Variants in LAMA5 observed in about 807,000 individuals in gnomAD.
LAMA5 encodes laminin subunit alpha-5.
LAMA5 carries 260 observed loss-of-function variants against 433.4 expected under a neutral mutation model. The ratio of observed to expected loss-of-function variants is 0.60; its 90% CI spans 0.54 to 0.66. The LOEUF (loss-of-function observed/expected upper bound fraction) is 0.66, where lower values mean the gene tolerates loss of function less well. Among genes scored for constraint, LAMA5 ranks in the 30% least tolerant of loss-of-function variants. The pLI is 0.00. For missense variants in LAMA5, 5,378 were observed against 5,258.5 expected, an observed-to-expected ratio of 1.02 and a Z score of -0.70; for synonymous variants, 2,620 against 2,226.6, an observed-to-expected ratio of 1.18 and a Z score of -4.97.
At chr20:62,328,725 C>G in intron 34 of LAMA5, 119 bp downstream of exon 34, 1 of 1,048,036 alleles carries the variant, frequency 9.5e-7, no homozygotes, top group South Asian at 1.5e-5. Context: ...GATGGGGCAG[C>G]AATGCTGCCC....
chr20:62,363,081 C>T lies in LAMA5; in HGVS notation c.298-529G>A, dbSNP rs555233184. Among the ~76,000 whole-genome samples the T allele has an allele frequency of 1.8e-4, 27 of 152,018 alleles. No homozygotes were observed. The East Asian group carries it at 3.1e-3, about 17-fold the overall frequency. On this transcript the variant is annotated intron_variant, in intron 1 of 79. Transcript: ENST00000252999. Reference sequence around the variant, plus strand: ...GGACAAAATGCAGCAAGCCAGGGGGCGGAAGGGGGAGCTGCAGACAGAAGG... The same window carrying T: ...GGACAAAATGCAGCAAGCCAGGGGGTGGAAGGGGGAGCTGCAGACAGAAGG...
At position 62,309,446 on chromosome 20, in the gene LAMA5, C is replaced by G. The variant is rs372010070; in HGVS notation, c.10978G>C (p.Ala3660Pro). The change falls in exon 80 of 80, where the codon GCC becomes CCC. Residue 3660 changes from alanine to proline, a missense_variant. Physicochemically the swap from Ala to Pro is conservative, Grantham distance 27. Transcript: ENST00000252999. ...EPMAVQPWPP[A>P]YCGCMRRLAV... ...AGCCTCCTCATGCAGCCGCAGTAGG[C>G]GGGGGGCCAGGGCTGCACGGCCATG... The G allele has an allele frequency of 3.2e-6, 5 of 1,571,014 alleles. No homozygotes were observed. Among genetic ancestry groups the G allele is most frequent in the African/African-American group, 1.3e-5 (1 of 74,244 alleles).
chr20:62,316,696 G>C lies in LAMA5; in HGVS notation c.7731C>G (p.Leu2577=), dbSNP rs1299640415. 1.6e-5 allele frequency: 26 copies of C among 1,606,822 alleles called. No individual in the cohort carries two copies. The highest frequency in any genetic ancestry group is 2.2e-5 in the Non-Finnish European group (26 of 1,176,162). The change falls in exon 57 of 80, where the codon CTC becomes CTG. Residue 2577 remains leucine, a synonymous_variant. Coordinates refer to ENST00000252999, the MANE Select transcript of LAMA5 (RefSeq NM_005560.6). The stretch of plus-strand genomic sequence containing the variant: ...CAAGGCCCAGCCTCTGCTGTTCCTG[G>C]AGCATGGCCTCTTCTAGTGCAGTGC... ...ANSTALEEAM[L]QEQQRLGLVW... is the part of the protein sequence containing the mutation.
rs58700262 is a variant in LAMA5, at chr20:62,312,353, C to A, written c.9361-37G>T. The A allele has an allele frequency of 2.6e-3, 4,231 of 1,602,514 alleles. 103 individuals carry two copies. The African/African-American group carries it at 0.047, about 18-fold the overall frequency. On this transcript the variant is annotated intron_variant, in intron 68 of 79. Coordinates refer to ENST00000252999, the MANE Select transcript of LAMA5 (RefSeq NM_005560.6). ...CCATCCCTGAGTGCCCGCGGGTGCC[C>A]CTGCATGTCCACAGATGCCACCCCC... is the stretch of plus-strand genomic sequence containing the variant.
Position 62,332,594 on chromosome 20 carries a change from G to C in LAMA5, c.3406C>G (p.Gln1136Glu). The C allele has an allele frequency of 2.5e-6, 4 of 1,594,070 alleles. No individual in the cohort carries two copies. The highest frequency in any genetic ancestry group is 3.4e-6 in the Non-Finnish European group (4 of 1,168,936). The change falls in exon 27 of 80, where the codon CAG (glutamine) becomes GAG (glutamate). Residue 1136 changes from glutamine (Q) to glutamate (E), a missense_variant. Transcript: ENST00000252999. ...VAVHTPQRAPQQGLLSLHPCL... is the reference protein window; with the variant it reads ...VAVHTPQRAPEQGLLSLHPCL... ...GGGTGCAGGGAGAGCAGCCCCTGCT[G>C]GGGGGCCCGCTGTGGGGTGTGCACG... is the stretch of plus-strand genomic sequence containing the variant.
intron 17 of LAMA5, 85 bp downstream of exon 17, chr20:62,336,649 G>A (rs1981680921): frequency 2.0e-6 from 3 of 1,495,762 alleles, no homozygotes; most frequent in East Asian, 4.5e-5. Context: ...CAGCAGGCAG[G>A]AAGCCCTGGT....
intron 2 of LAMA5, among the ~76,000 whole-genome samples, chr20:62,360,595 T>TGG (rs1440341981): frequency 4.6e-4 from 2 of 4,356 alleles, no homozygotes; most frequent in African/African-American, 7.9e-4. Flanking sequence ...GAAGGATAGG[T>TGG]AGGTGGGTGG....
At position 62,346,559 on chromosome 20, in the gene LAMA5, G is replaced by C. The variant is rs1983402514; in HGVS notation, c.1229C>G (p.Pro410Arg). The C allele has an allele frequency of 6.4e-7, 1 of 1,567,710 alleles. No homozygotes were observed. The highest frequency in any genetic ancestry group is 1.4e-5 in the African/African-American group (1 of 73,656). ...GTGGTTGGGAGAGCGGTAGAAGCCG[G>C]GCAGGCAGCGCTCACAGTTGACGCC... ...TTGVNCERCL[P>R]GFYRSPNHPL... is the part of the protein sequence containing the mutation. Residue 410 changes from proline to arginine, a missense_variant, in exon 9 of 80, where the codon CCC (proline) becomes CGC (arginine). By Grantham distance (103) the Pro-to-Arg change is moderately radical. Transcript: ENST00000252999.
intron 53 of LAMA5, 150 bp downstream of exon 53, chr20:62,318,304 G>A: frequency 3.3e-6 from 1 of 300,700 alleles, no homozygotes. Flanking sequence ...AGGAGGGGGG[G>A]AAGAAGAGGA....
chr20:62,334,928 C>A (rs1383088202), intron 20 of LAMA5, 93 bp downstream of exon 20: 16 of 1,227,316 alleles, frequency 1.3e-5, no homozygotes, highest in Non-Finnish European at 1.8e-5. Context: ...TTCATGCTGC[C>A]CAGGCTGCAC....
Position 62,315,039 on chromosome 20 carries a change from G to A in LAMA5, c.8036C>T (p.Ala2679Val), listed in dbSNP as rs1986793876. The A allele has an allele frequency of 2.5e-6, 4 of 1,594,110 alleles. No homozygotes were observed. The highest frequency in any genetic ancestry group is 3.4e-6 in the Non-Finnish European group (4 of 1,176,418). The part of the protein sequence containing the change: ...GQDLGQAVLD[A>V]GHSVSTLEKT... ...GGCCATGGGCGCACCTGAGTGGCCT[G>A]CGTCAAGCACTGCCTGGCCCAGGTC... Residue 2679 changes from alanine (A) to valine (V), a missense_variant, in exon 59 of 80, where the codon GCA (alanine) becomes GTA (valine). Transcript: ENST00000252999.
At position 62,359,355 on chromosome 20, in the gene LAMA5, G is replaced by T. The variant is rs756333393; in HGVS notation, c.450+3045C>A. ...TACAACCTGGGCCCGCTGGGCTAGC[G>T]TGCTGGTGTAGTGGGGCAAGGGCCT... is the stretch of plus-strand genomic sequence containing the variant. On this transcript the variant is annotated intron_variant, in intron 2 of 79. Coordinates refer to ENST00000252999, the MANE Select transcript of LAMA5 (RefSeq NM_005560.6). The surrounding 1 kb of genome is among the most constrained non-coding windows in gnomAD (Gnocchi z 4.3). 1.3e-5 allele frequency among the ~76,000 whole-genome samples: 2 copies of T among 152,176 alleles called. No individual in the cohort carries two copies. The highest frequency in any genetic ancestry group is 2.9e-5 in the Non-Finnish European group (2 of 68,020).
intron 53 of LAMA5, 115 bp from the exon 54 acceptor site, chr20:62,317,893 TGAGGAGGGGG>T (rs1221357590): frequency 2.9e-3 from 5 of 1,706 alleles, no homozygotes; most frequent in East Asian, 0.01. Context: ...GTATGGGGGG[TGAGGAGGGGG>T]GAGGAGGGGA....
chr20:62,339,015 C>T (rs1452677415), intron 11 of LAMA5, among the ~76,000 whole-genome samples: 11 of 143,240 alleles, frequency 7.7e-5, no homozygotes, highest in African/African-American at 1.8e-4. Context: ...CCAGCCTGGG[C>T]GACAGGGTGA....
chr20:62,340,610 C>A (rs1384433027), intron 11 of LAMA5, among the ~76,000 whole-genome samples: 4 of 152,012 alleles, frequency 2.6e-5, no homozygotes, highest in African/African-American at 9.7e-5. Flanking sequence ...CGCACCTGGC[C>A]ACAAGTCTGC....
intron 11 of LAMA5, among the ~76,000 whole-genome samples, chr20:62,341,550 C>T (rs146379822): frequency 2.0e-5 from 3 of 152,242 alleles, no homozygotes; most frequent in African/African-American, 4.8e-5. Context: ...CAGACATCAT[C>T]GAATGCTTCC....
Position 62,333,531 on chromosome 20 carries a change from G to A in LAMA5, c.3021+33C>T, listed in dbSNP as rs373985210. The A allele has an allele frequency of 6.9e-4, 1,086 of 1,574,608 alleles. 15 individuals are homozygous for A. In the South Asian group the frequency reaches 0.011, roughly 16 times the overall value. ...AGTGGTGGGCCCCACCCCCTGACCCGGCCCCCAGCCCTCACTCTGGCCCCT... is the reference window on the plus strand; with the variant it reads ...AGTGGTGGGCCCCACCCCCTGACCCAGCCCCCAGCCCTCACTCTGGCCCCT... On this transcript the variant is annotated intron_variant, in intron 24 of 79. Coordinates refer to ENST00000252999, the MANE Select transcript of LAMA5 (RefSeq NM_005560.6).
intron 48 of LAMA5, 104 bp downstream of exon 48, chr20:62,321,914 TG>T: frequency 1.7e-6 from 2 of 1,160,366 alleles, no homozygotes; most frequent in Non-Finnish European, 2.5e-6. Context: ...GGAAGGCAGC[TG>T]GGACCACTCT....
In LAMA5 at chr20:62,333,532, G is replaced by GC. The variant is rs752111923; in HGVS notation, c.3021+31dup. ...GTGGTGGGCCCCACCCCCTGACCCG[G>GC]CCCCCAGCCCTCACTCTGGCCCCTG... is the stretch of plus-strand genomic sequence containing the variant. On this transcript the variant is annotated intron_variant, in intron 24 of 79. Transcript: ENST00000252999. 5 of 1,573,438 alleles carry GC rather than the reference G, an allele frequency of 3.2e-6. No homozygotes were observed. The South Asian group carries it at 5.8e-5, about 18-fold the overall frequency.
Sources: allele counts gnomAD v4.1 joint callset (sites outside exome capture counted in the v4.1 genomes callset), GRCh38; gene constraint gnomAD v4.1.1; non-coding constraint Gnocchi (gnomAD v3.1); transcripts MANE v1.5; gene names NCBI Gene and HGNC (gene_info 2026-07-23, HGNC 2026-07-21).